Variants in TTC29 observed in about 807,000 individuals in gnomAD.
The protein encoded by TTC29 is tetratricopeptide repeat domain 29, also known as tetratricopeptide repeat protein 29.
A neutral mutation model predicts 58.1 loss-of-function variants in TTC29; 49 were observed. That is an observed-to-expected ratio of 0.84 (90% confidence interval 0.67 to 1.07). TTC29 has a LOEUF of 1.07. TTC29 is among the 50% of genes least tolerant of loss of function. The pLI is 0.00. For missense variants in TTC29, 582 were observed against 555.6 expected (o/e 1.05, Z -0.48); for synonymous variants, 209 against 196.8 (o/e 1.06, Z -0.52).
At chr4:146,855,881 C>G (rs920723913) in intron 8 of TTC29, among the ~76,000 whole-genome samples, 19 of 152,158 alleles carry the variant, frequency 1.2e-4, no homozygotes, top group Non-Finnish European at 1.5e-4. Context: ...CTGTTTAACA[C>G]ATCTAATCCT....
intron 11 of TTC29, among the ~76,000 whole-genome samples, chr4:146,725,536 C>CA (rs1310859655): frequency 6.6e-6 from 1 of 151,646 alleles, no homozygotes; most frequent in African/African-American, 2.4e-5. Flanking sequence ...TACCTTGTTT[C>CA]AAAAAAACAG....
chr4:146,708,004 G>C (rs1742109506), intron 11 of TTC29, among the ~76,000 whole-genome samples: 1 of 151,986 alleles, frequency 6.6e-6, no homozygotes, highest in African/African-American at 2.4e-5. Flanking sequence ...TGTTCTAGCA[G>C]ACAGTCCCAG....
chr4:146,932,625 G>T (rs568252055), intron 4 of TTC29, among the ~76,000 whole-genome samples: 2 of 152,240 alleles, frequency 1.3e-5, no homozygotes, highest in South Asian at 4.2e-4. Context: ...GTTCATAAAA[G>T]CATCTTTGGA....
intron 11 of TTC29, among the ~76,000 whole-genome samples, chr4:146,789,489 CCT>C (rs904069325): frequency 4.6e-5 from 7 of 152,076 alleles, no homozygotes; most frequent in Non-Finnish European, 7.4e-5. Context: ...TGAGAAACTG[CCT>C]AAGGCTTATT....
chr4:146,895,037 CATCA>C (rs1732673900), intron 6 of TTC29, among the ~76,000 whole-genome samples: 1 of 152,188 alleles, frequency 6.6e-6, no homozygotes, highest in South Asian at 2.1e-4. Context: ...CATGTGTTCT[CATCA>C]GTCAGCTCCC....
chr4:146,930,547 G>C (rs1324499393), intron 4 of TTC29, among the ~76,000 whole-genome samples: 1 of 152,126 alleles, frequency 6.6e-6, no homozygotes, highest in African/African-American at 2.4e-5. Flanking sequence ...TTCCAATATA[G>C]AAAACAGAAC....
intron 4 of TTC29, among the ~76,000 whole-genome samples, chr4:146,929,251 A>T (rs915358738): frequency 2.2e-4 from 34 of 152,302 alleles, no homozygotes; most frequent in Middle Eastern, 3.4e-3. Flanking sequence ...TATGAAACAG[A>T]GTAAGGTCAA....
At chr4:146,786,705 C>A (rs1749043585) in intron 11 of TTC29, among the ~76,000 whole-genome samples, 1 of 152,070 alleles carries the variant, frequency 6.6e-6, no homozygotes, top group Non-Finnish European at 1.5e-5. Flanking sequence ...TGATAAATGT[C>A]CCAGAAATAG....
intron 7 of TTC29, among the ~76,000 whole-genome samples, chr4:146,868,749 G>C (rs1730730847): frequency 6.6e-6 from 1 of 151,990 alleles, no homozygotes; most frequent in Admixed American, 6.6e-5. Flanking sequence ...CTTAGTTTTT[G>C]GTCTTTGGAA....
intron 11 of TTC29, among the ~76,000 whole-genome samples, chr4:146,757,414 A>T (rs985709426): frequency 6.6e-6 from 1 of 152,150 alleles, no homozygotes; most frequent in African/African-American, 2.4e-5. Flanking sequence ...AGCCGTGGAT[A>T]CCAGTGCCTG....
intron 6 of TTC29, among the ~76,000 whole-genome samples, chr4:146,897,952 G>A (rs1399571546): frequency 6.6e-6 from 1 of 152,208 alleles, no homozygotes; most frequent in African/African-American, 2.4e-5. Flanking sequence ...AAACTGAGGA[G>A]TGGGAGACCT....
At chr4:146,943,795 G>A (rs568872419) in intron 2 of TTC29, among the ~76,000 whole-genome samples, 6 of 152,284 alleles carry the variant, frequency 3.9e-5, no homozygotes, top group African/African-American at 1.4e-4. Context: ...TTAAATACCT[G>A]TAAAGAAAGC....
chr4:146,765,247 A>T (rs1747218381), intron 11 of TTC29, among the ~76,000 whole-genome samples: 1 of 152,170 alleles, frequency 6.6e-6, no homozygotes, highest in South Asian at 2.1e-4. Flanking sequence ...TATAAAAAAG[A>T]GAGGTGTGTT....
intron 11 of TTC29, among the ~76,000 whole-genome samples, chr4:146,724,874 C>T (rs1314615191): frequency 6.6e-6 from 1 of 152,080 alleles, no homozygotes; most frequent in Non-Finnish European, 1.5e-5. Flanking sequence ...GTTTTTCCTT[C>T]CTTTCTTAAT....
intron 6 of TTC29, among the ~76,000 whole-genome samples, chr4:146,901,103 A>G (rs890243730): frequency 2.0e-5 from 3 of 152,224 alleles, no homozygotes; most frequent in African/African-American, 7.2e-5. Flanking sequence ...GTGTAATTAC[A>G]AAAACAAAAT....
At chr4:146,932,293 C>A (rs1176735813) in intron 4 of TTC29, among the ~76,000 whole-genome samples, 1 of 152,202 alleles carries the variant, frequency 6.6e-6, no homozygotes, top group East Asian at 1.9e-4. Flanking sequence ...ATCTCTGTCT[C>A]ATCTGGAGAT....
chr4:146,806,753 C>T (rs779863588), intron 10 of TTC29, among the ~76,000 whole-genome samples: 1 of 152,060 alleles, frequency 6.6e-6, no homozygotes, highest in Non-Finnish European at 1.5e-5. Flanking sequence ...TCTTAGAGAC[C>T]TACAAAGAGA....
chr4:146,732,408 C>G (rs185189043), intron 11 of TTC29, among the ~76,000 whole-genome samples: 1 of 152,182 alleles, frequency 6.6e-6, no homozygotes, highest in East Asian at 1.9e-4. Context: ...TTTATGAACA[C>G]TAGACAGAAA....
At chr4:146,828,007 A>G (rs1203670284) in intron 9 of TTC29, among the ~76,000 whole-genome samples, 1 of 151,962 alleles carries the variant, frequency 6.6e-6, no homozygotes, top group Non-Finnish European at 1.5e-5. Context: ...TATCAAATAC[A>G]TTTTTTTTCC....
Sources: gnomAD v4.1 joint callset for allele counts (sites outside exome capture counted in the v4.1 genomes callset) on GRCh38, gnomAD v4.1.1 for gene constraint, MANE v1.5 for transcripts, NCBI Gene and HGNC (gene_info 2026-07-23, HGNC 2026-07-21) for gene names.